The following PTK2B variants were observed in gnomAD, a reference collection of about 807,000 sequenced individuals.
The protein encoded by PTK2B is protein-tyrosine kinase 2-beta.
In PTK2B, 71 loss-of-function variants were observed where a neutral mutation model predicts 142.9. The ratio of observed to expected loss-of-function variants is 0.50; its 90% confidence interval spans 0.41 to 0.61. The LOEUF is 0.61. Among genes scored for constraint, PTK2B ranks in the 20% least tolerant of loss-of-function variants. PTK2B has a pLI of 0.00. For synonymous variants in PTK2B, 519 were observed against 503.4 expected (o/e 1.03, Z -0.42); for missense variants, 1,105 against 1,320.4 (o/e 0.84, Z 2.53).
At chr8:27,357,498 G>A (rs1805454391) in intron 1 of PTK2B, among the ~76,000 whole-genome samples, 1 of 152,194 alleles carries the variant, frequency 6.6e-6, no homozygotes, top group South Asian at 2.1e-4. Flanking sequence ...AGTGCAGGGG[G>A]CCACCCCGTG....
upstream of PTK2B, chr8:27,311,086 C>A: frequency 6.3e-7 from 1 of 1,597,136 alleles, no homozygotes; most frequent in Non-Finnish European, 8.5e-7. Context: ...ACACCTGCAC[C>A]TCCCAGCAGC....
upstream of PTK2B, chr8:27,311,414 T>A (rs991015275): frequency 1.3e-6 from 1 of 770,178 alleles, no homozygotes; most frequent in Non-Finnish European, 2.0e-6. Context: ...GAGGGGGCGC[T>A]CGGAGGAGCC....
intron 1 of PTK2B, among the ~76,000 whole-genome samples, chr8:27,382,381 C>T (rs1287266959): frequency 1.3e-5 from 2 of 152,148 alleles, no homozygotes; most frequent in Admixed American, 1.3e-4. Context: ...ACGGTTTTCA[C>T]ATATTTTCTC....
chr8:27,338,578 T>A (rs1033699684), intron 1 of PTK2B, among the ~76,000 whole-genome samples: 4 of 152,212 alleles, frequency 2.6e-5, no homozygotes, highest in African/African-American at 9.6e-5. Flanking sequence ...GAAAAATTGC[T>A]GAATCTATAT....
In PTK2B at chr8:27,454,185, C is replaced by A. The variant is rs1228616660; in HGVS notation, c.2627C>A (p.Thr876Asn). The A allele has an allele frequency of 2.4e-5, 38 of 1,613,934 alleles. No homozygotes were observed. The highest frequency in any genetic ancestry group is 3.2e-5 in the Non-Finnish European group (38 of 1,179,938). Residue 876 changes from threonine to asparagine, a missense_variant, in exon 29 of 31, where the codon ACT becomes AAT. By Grantham distance (65) the Thr-to-Asn change is moderately conservative. Transcript: ENST00000346049. ...SIQPTANLDR[T>N]DDLVYLNVME... ...CAGCCCACAGCTAACCTGGACCGGA[C>A]TGATGACCTGGTGTACCTCAATGTC...
At chr8:27,392,587 T>C (rs1023293202) in intron 1 of PTK2B, among the ~76,000 whole-genome samples, 3 of 151,932 alleles carry the variant, frequency 2.0e-5, no homozygotes, top group Admixed American at 2.0e-4. Flanking sequence ...TTGCACAAGA[T>C]TTTAGAGCCA....
intron 2 of PTK2B, among the ~76,000 whole-genome samples, chr8:27,417,086 A>T (rs1809445215): frequency 6.6e-6 from 1 of 152,250 alleles, no homozygotes; most frequent in African/African-American, 2.4e-5. Context: ...TCTTCTCAGC[A>T]TTTATCCACA....
chr8:27,437,752 C>T lies in PTK2B; in HGVS notation c.1528-13C>T. Reference sequence around the variant, plus strand: ...CAACCAGGGGTCTTGATGGCACCTCCCCATTCCTGCAGCTGGGCCACTACC... The same window carrying T: ...CAACCAGGGGTCTTGATGGCACCTCTCCATTCCTGCAGCTGGGCCACTACC... On this transcript the variant is annotated splice_polypyrimidine_tract_variant and intron_variant, in intron 17 of 30. Coordinates refer to ENST00000346049, the MANE Select transcript of PTK2B (RefSeq NM_173176.3). 6.2e-7 allele frequency: 1 copy of T among 1,602,874 alleles called. No homozygotes were observed. Among genetic ancestry groups the T allele is most frequent in the Non-Finnish European group, 8.5e-7 (1 of 1,175,032 alleles).
rs747249458 is a variant in PTK2B at position 27,454,617 on chromosome 8, C to A, written c.2814+6C>A. 2.5e-6 allele frequency: 4 copies of A among 1,613,188 alleles called. No homozygotes were observed. The highest frequency in any genetic ancestry group is 3.4e-6 in the Non-Finnish European group (4 of 1,179,300). On this transcript the variant is annotated splice_donor_region_variant and intron_variant, in intron 30 of 30. Coordinates refer to ENST00000346049, the MANE Select transcript of PTK2B (RefSeq NM_173176.3). ...CGTCATCTTCACGGACAGAGGTGAGCGTCCCATTCCAGACAGCACCATAGG... is the reference window on the plus strand; with the variant it reads ...CGTCATCTTCACGGACAGAGGTGAGAGTCCCATTCCAGACAGCACCATAGG...
chr8:27,330,614 C>T (rs974415579), intron 1 of PTK2B, among the ~76,000 whole-genome samples: 3 of 152,038 alleles, frequency 2.0e-5, no homozygotes, highest in Non-Finnish European at 2.9e-5. Flanking sequence ...TACAAAGCTG[C>T]GAGCTGTGCA....
chr8:27,377,844 A>T (rs1022159042), intron 1 of PTK2B, among the ~76,000 whole-genome samples: 12 of 152,220 alleles, frequency 7.9e-5, no homozygotes, highest in Non-Finnish European at 1.5e-4. Flanking sequence ...TGTTGAGTGC[A>T]GGTGGAGAAG....
intron 1 of PTK2B, among the ~76,000 whole-genome samples, chr8:27,393,331 G>A (rs914656913): frequency 7.9e-5 from 12 of 152,330 alleles, no homozygotes; most frequent in African/African-American, 2.9e-4. Flanking sequence ...GCTAAAGGGA[G>A]AACTGAGGAA....
intron 1 of PTK2B, among the ~76,000 whole-genome samples, chr8:27,374,670 T>G (rs1164840165): frequency 1.3e-5 from 2 of 152,132 alleles, no homozygotes; most frequent in African/African-American, 4.8e-5. Context: ...CAGGAGGCAG[T>G]TGCGAGTGTG....
At chr8:27,344,004 A>C (rs1292926679) in intron 1 of PTK2B, among the ~76,000 whole-genome samples, 2 of 152,178 alleles carry the variant, frequency 1.3e-5, no homozygotes, top group East Asian at 3.8e-4. Context: ...ATCCGTCTCA[A>C]AAAAATAAAT....
chr8:27,458,463 A>G lies in PTK2B; in HGVS notation c.2984A>G (p.Asp995Gly). The G allele has an allele frequency of 6.3e-7, 1 of 1,599,844 alleles. No individual in the cohort carries two copies. The highest frequency in any genetic ancestry group is 8.5e-7 in the Non-Finnish European group (1 of 1,173,278). The stretch of plus-strand genomic sequence containing the variant: ...GCCAAGAACCTGCTCGACGCTGTGG[A>G]CCAGGCCAAGGTTCTGGCCAATCTG... ...VDAKNLLDAV[D>G]QAKVLANLAH... Residue 995 changes from aspartate (D) to glycine (G), a missense_variant, in exon 31 of 31, where the codon GAC becomes GGC. By Grantham distance (94) the Asp-to-Gly change is moderately conservative. Transcript: ENST00000346049.
intron 21 of PTK2B, 68 bp downstream of exon 21, chr8:27,440,509 C>CA: frequency 1.3e-6 from 2 of 1,540,696 alleles, no homozygotes; most frequent in Non-Finnish European, 1.8e-6. Flanking sequence ...GACCAGCACA[C>CA]AGAGAGGTTT....
chr8:27,375,575 C>A (rs887862980), intron 1 of PTK2B, among the ~76,000 whole-genome samples: 5 of 152,186 alleles, frequency 3.3e-5, no homozygotes, highest in African/African-American at 9.7e-5. Flanking sequence ...ATCCACCAGA[C>A]CCTTCCAGTG....
upstream of PTK2B, chr8:27,311,048 C>T (rs1202787437): frequency 1.9e-6 from 3 of 1,598,970 alleles, no homozygotes; most frequent in African/African-American, 1.3e-5. Flanking sequence ...GGGTGACGCG[C>T]GGTCTTTGCA....
intron 12 of PTK2B, 106 bp downstream of exon 12, chr8:27,434,238 G>A: frequency 7.1e-7 from 1 of 1,403,914 alleles, no homozygotes; most frequent in Non-Finnish European, 9.9e-7. Context: ...CTGGCTTTCA[G>A]GCCCAGGAGA....
Sources: gnomAD v4.1 joint callset for allele counts (sites outside exome capture counted in the v4.1 genomes callset) on GRCh38, gnomAD v4.1.1 for gene constraint, MANE v1.5 for transcripts, NCBI Gene and HGNC (gene_info 2026-07-23, HGNC 2026-07-21) for gene names.